The following ELP3 variants were observed in gnomAD, a reference collection of about 807,000 sequenced individuals.
ELP3 encodes elongator complex protein 3.
ELP3 carries 56 observed loss-of-function variants against 74.9 expected under a neutral mutation model. The observed-to-expected ratio is 0.75, with a 90% CI of 0.60 to 0.93. The LOEUF (loss-of-function observed/expected upper bound fraction) is 0.93, where lower values mean the gene tolerates loss of function less well. ELP3 is among the 40% of genes least tolerant of loss of function. The probability of loss-of-function intolerance (pLI) is 0.00; values close to 1 mark genes in which losing one functional copy is unlikely to be tolerated. For missense variants in ELP3, 573 were observed against 686.5 expected (o/e 0.83, Z 1.85); for synonymous variants, 222 against 239.8 (o/e 0.93, Z 0.68).
intron 5 of ELP3, 142 bp from the exon 6 acceptor site, chr8:28,110,228 C>G: frequency 1.4e-6 from 1 of 728,120 alleles, no homozygotes; most frequent in Non-Finnish European, 2.3e-6. Flanking sequence ...TGAACCCTGA[C>G]AAGACTGAGA....
At chr8:28,115,394 T>C (rs1465212298) in intron 7 of ELP3, among the ~76,000 whole-genome samples, 1 of 152,156 alleles carries the variant, frequency 6.6e-6, no homozygotes. Flanking sequence ...ATTTGTGTGT[T>C]CATGCACATA....
Position 28,142,217 on chromosome 8 carries a change from C to T in ELP3, c.1100+4326C>T, listed in dbSNP as rs116411632. ...GTGGAGAACACTTATATGATACAAC[C>T]GAAAGGTCATATGATAAGAAAGGCA... On this transcript the variant is annotated intron_variant, in intron 10 of 14. Transcript: ENST00000256398. 2.7e-3 allele frequency among the ~76,000 whole-genome samples: 405 copies of T among 152,126 alleles called. 1 individual carries two copies. The highest frequency in any genetic ancestry group is 9.1e-3 in the African/African-American group (377 of 41,512).
chr8:28,163,221 TAAG>T (rs1814171428), intron 14 of ELP3, among the ~76,000 whole-genome samples: 1 of 152,212 alleles, frequency 6.6e-6, no homozygotes, highest in Non-Finnish European at 1.5e-5. Context: ...GCTGTTCCCA[TAAG>T]AAGCTAACAG....
chr8:28,186,373 T>C (rs1815240334), intron 14 of ELP3, among the ~76,000 whole-genome samples: 2 of 152,158 alleles, frequency 1.3e-5, no homozygotes, highest in Non-Finnish European at 2.9e-5. Context: ...AAGAAATATA[T>C]AGAGAAGCTT....
intron 9 of ELP3, among the ~76,000 whole-genome samples, chr8:28,135,714 C>G (rs529089760): frequency 4.6e-5 from 7 of 152,320 alleles, no homozygotes; most frequent in African/African-American, 1.7e-4. Context: ...TTCCATGTCT[C>G]TCCTCCATCC....
chr8:28,162,752 G>C (rs1021927248), intron 14 of ELP3, among the ~76,000 whole-genome samples: 1 of 152,198 alleles, frequency 6.6e-6, no homozygotes. Flanking sequence ...TTTTATACGA[G>C]TGCAAAGTCA....
intron 7 of ELP3, among the ~76,000 whole-genome samples, chr8:28,126,027 A>G (rs1563260983): frequency 2.6e-5 from 4 of 151,704 alleles, no homozygotes; most frequent in Non-Finnish European, 5.9e-5. Flanking sequence ...TTTTTAATCA[A>G]CGGAGAATTT....
At chr8:28,104,467 C>T (rs1811608267) in intron 3 of ELP3, among the ~76,000 whole-genome samples, 1 of 152,222 alleles carries the variant, frequency 6.6e-6, no homozygotes, top group African/African-American at 2.4e-5. Flanking sequence ...GTTTCACCAG[C>T]CGTTTCAATA....
chr8:28,178,506 G>A (rs971450870), intron 14 of ELP3, among the ~76,000 whole-genome samples: 1 of 152,318 alleles, frequency 6.6e-6, no homozygotes, highest in East Asian at 1.9e-4. Context: ...CGTTGTAGTA[G>A]CTGTATTTCA....
intron 14 of ELP3, among the ~76,000 whole-genome samples, chr8:28,177,714 G>A (rs1179498749): frequency 6.6e-6 from 1 of 152,054 alleles, no homozygotes; most frequent in Non-Finnish European, 1.5e-5. Flanking sequence ...GTCCTAACAA[G>A]TAAGCATCAA....
chr8:28,123,968 G>A (rs564726897), intron 7 of ELP3, among the ~76,000 whole-genome samples: 6 of 150,908 alleles, frequency 4.0e-5, no homozygotes, highest in South Asian at 2.1e-4. Flanking sequence ...CATTTTGCTC[G>A]TGTGTGCCTT....
intron 14 of ELP3, among the ~76,000 whole-genome samples, chr8:28,186,896 G>A (rs1329503735): frequency 6.6e-6 from 1 of 152,184 alleles, no homozygotes; most frequent in African/African-American, 2.4e-5. Context: ...TTTCAGAGGA[G>A]ACAAATACCT....
chr8:28,182,537 G>A (rs1461796019), intron 14 of ELP3, among the ~76,000 whole-genome samples: 1 of 152,142 alleles, frequency 6.6e-6, no homozygotes, highest in African/African-American at 2.4e-5. Flanking sequence ...CTCCAGCCTG[G>A]GTGACAAGAG....
intron 9 of ELP3, among the ~76,000 whole-genome samples, chr8:28,135,868 A>G (rs954409657): frequency 1.3e-5 from 2 of 152,056 alleles, no homozygotes; most frequent in African/African-American, 2.4e-5. Context: ...GTCTTTGAAG[A>G]ATTTGTTGCC....
chr8:28,126,437 C>T lies in ELP3; in HGVS notation c.618-3065C>T, dbSNP rs117090199. ...GCCACTCCTATGGCATACAGAAAAG[C>T]GTAGGATTCAACATAACCCCACAGT... On this transcript the variant is annotated intron_variant, in intron 7 of 14. Transcript: ENST00000256398. Among the ~76,000 whole-genome samples the T allele has an allele frequency of 4.5e-4, 68 of 152,258 alleles. No individual in the cohort carries two copies. The East Asian group carries it at 0.011, about 25-fold the overall frequency.
chr8:28,155,655 G>T (rs181390185), intron 10 of ELP3, among the ~76,000 whole-genome samples: 34 of 152,204 alleles, frequency 2.2e-4, no homozygotes, highest in African/African-American at 6.7e-4. Flanking sequence ...AATGGTTATT[G>T]GGCATTCAGT....
intron 10 of ELP3, among the ~76,000 whole-genome samples, chr8:28,151,836 T>A (rs1390344937): frequency 6.6e-6 from 1 of 152,156 alleles, no homozygotes; most frequent in East Asian, 1.9e-4. Flanking sequence ...TCTTTTCCCC[T>A]CTCCCAGCCA....
intron 10 of ELP3, among the ~76,000 whole-genome samples, chr8:28,140,136 G>T (rs904934830): frequency 6.6e-6 from 1 of 151,588 alleles, no homozygotes. Context: ...GTGTGTGTGT[G>T]TGTGTGTGTG....
upstream of ELP3, chr8:28,093,008 G>C (rs1475409600): frequency 6.6e-6 from 5 of 753,472 alleles, no homozygotes; most frequent in African/African-American, 1.7e-5. Context: ...TCGCAGCCTA[G>C]GGGCCTCACG....
Sources: gnomAD v4.1 joint callset for allele counts (sites outside exome capture counted in the v4.1 genomes callset) on GRCh38, gnomAD v4.1.1 for gene constraint, MANE v1.5 for transcripts, NCBI Gene and HGNC (gene_info 2026-07-23, HGNC 2026-07-21) for gene names.